Variants in NELL1 observed in about 807,000 individuals in gnomAD.
The protein encoded by NELL1 is neural EGFL like 1, also known as protein kinase C-binding protein NELL1.
A neutral mutation model predicts 107.4 loss-of-function variants in NELL1; 76 were observed. That is an observed-to-expected ratio of 0.71 (90% CI 0.59 to 0.86). The LOEUF is 0.86. Ranked by LOEUF, NELL1 falls within the 40% of genes least tolerant of loss-of-function variation. The pLI is 0.00. For synonymous variants in NELL1, 353 were observed against 341.2 expected, an observed-to-expected ratio of 1.03 and a Z score of -0.38; for missense variants, 1,024 against 1,005.5, an observed-to-expected ratio of 1.02 and a Z score of -0.25.
chr11:21,070,126 T>C (rs1157275116), intron 12 of NELL1, among the ~76,000 whole-genome samples: 7 of 151,278 alleles, frequency 4.6e-5, no homozygotes, highest in African/African-American at 1.7e-4. Flanking sequence ...ACTCCAAGGC[T>C]GTTTTTTTTT....
At chr11:21,060,620 A>T (rs1853716393) in intron 12 of NELL1, among the ~76,000 whole-genome samples, 1 of 152,188 alleles carries the variant, frequency 6.6e-6, no homozygotes, top group Non-Finnish European at 1.5e-5. Flanking sequence ...AAAGAAGAAA[A>T]TTCTTGAATT....
intron 12 of NELL1, among the ~76,000 whole-genome samples, chr11:20,983,395 AAC>A (rs1338360534): frequency 3.4e-5 from 5 of 145,896 alleles, no homozygotes; most frequent in Admixed American, 6.8e-5. Context: ...GTGGTTTACT[AAC>A]ACAGTTATAT....
chr11:21,097,087 C>A (rs950802332), intron 12 of NELL1, among the ~76,000 whole-genome samples: 1 of 152,094 alleles, frequency 6.6e-6, no homozygotes, highest in Non-Finnish European at 1.5e-5. Flanking sequence ...GACTAACCTC[C>A]AGGTAGAATC....
intron 4 of NELL1, 92 bp from the exon 5 acceptor site, chr11:20,885,352 C>A (rs1391460099): frequency 3.9e-6 from 3 of 773,148 alleles, no homozygotes; most frequent in Non-Finnish European, 4.7e-6. Context: ...CTTCATACAG[C>A]AGCTAATGGC....
At chr11:21,378,315 GATA>G (rs1233865937) in intron 15 of NELL1, among the ~76,000 whole-genome samples, 2 of 150,134 alleles carry the variant, frequency 1.3e-5, no homozygotes, top group African/African-American at 2.4e-5. Flanking sequence ...AGTGTTATTT[GATA>G]ATAATATGAA....
Position 21,474,941 on chromosome 11 carries a change from C to T in NELL1, c.1646-59433C>T, listed in dbSNP as rs1590960506. Among the ~76,000 whole-genome samples the T allele has an allele frequency of 3.9e-5, 6 of 152,010 alleles. No individual in the cohort carries two copies. In the South Asian group the frequency reaches 1.0e-3, roughly 26 times the overall value. On this transcript the variant is annotated intron_variant, in intron 15 of 19. Transcript: ENST00000357134. Reference sequence around the variant, plus strand: ...TTATTTGACCAAGCTTTTGTTGCATCGCTTATCTTAGTTCAATGCGTATCA... The same window carrying T: ...TTATTTGACCAAGCTTTTGTTGCATTGCTTATCTTAGTTCAATGCGTATCA...
chr11:20,771,643 C>G (rs76243803), intron 2 of NELL1, among the ~76,000 whole-genome samples: 235 of 152,278 alleles, frequency 1.5e-3, no homozygotes, highest in Non-Finnish European at 2.7e-3. Context: ...GAGCTGTTTG[C>G]GTATCATAGA....
intron 15 of NELL1, among the ~76,000 whole-genome samples, chr11:21,399,646 T>A (rs1417155827): frequency 1.3e-5 from 2 of 151,814 alleles, no homozygotes; most frequent in Non-Finnish European, 2.9e-5. Flanking sequence ...ATTTTACAGA[T>A]AAGGGAACTA....
At chr11:21,262,180 C>G (rs1260749746) in intron 14 of NELL1, among the ~76,000 whole-genome samples, 1 of 151,668 alleles carries the variant, frequency 6.6e-6, no homozygotes, top group East Asian at 1.9e-4. Flanking sequence ...TGTATAAATA[C>G]CCTCTAAGAC....
At chr11:20,808,796 T>C (rs1165363341) in intron 3 of NELL1, among the ~76,000 whole-genome samples, 1 of 152,202 alleles carries the variant, frequency 6.6e-6, no homozygotes, top group Non-Finnish European at 1.5e-5. Flanking sequence ...CAATGCAAAG[T>C]CCCACAATCA....
At chr11:21,424,681 A>G (rs1852776237) in intron 15 of NELL1, among the ~76,000 whole-genome samples, 1 of 152,158 alleles carries the variant, frequency 6.6e-6, no homozygotes, top group Non-Finnish European at 1.5e-5. Flanking sequence ...TATGCTATCT[A>G]ATTTGGTAAT....
At chr11:21,310,749 A>C (rs1282766424) in intron 14 of NELL1, among the ~76,000 whole-genome samples, 1 of 152,008 alleles carries the variant, frequency 6.6e-6, no homozygotes, top group Admixed American at 6.6e-5. Context: ...TATAGAATGG[A>C]ATCAGCTTGT....
intron 13 of NELL1, among the ~76,000 whole-genome samples, chr11:21,157,297 A>G (rs1019952638): frequency 6.6e-6 from 1 of 152,114 alleles, no homozygotes; most frequent in Non-Finnish European, 1.5e-5. Context: ...CAATCTGATT[A>G]TCTCTACAGT....
intron 14 of NELL1, among the ~76,000 whole-genome samples, chr11:21,319,957 G>A (rs1849972440): frequency 6.6e-6 from 1 of 151,250 alleles, no homozygotes; most frequent in Non-Finnish European, 1.5e-5. Context: ...TCAACAAGAA[G>A]CAGAGAGTAT....
chr11:21,284,085 T>TTCATAATG, intron 14 of NELL1: 1 of 374,594 alleles, frequency 2.7e-6, no homozygotes, highest in Non-Finnish European at 5.3e-6. Context: ...GAAGAGGAAA[T>TTCATAATG]TCATAATGCC....
At chr11:21,187,206 A>G (rs1349600770) in intron 13 of NELL1, among the ~76,000 whole-genome samples, 1 of 151,880 alleles carries the variant, frequency 6.6e-6, no homozygotes, top group Non-Finnish European at 1.5e-5. Flanking sequence ...GGAAGACTTG[A>G]CAGAAGCGAG....
chr11:21,066,667 A>G (rs757931607), intron 12 of NELL1, among the ~76,000 whole-genome samples: 46 of 152,162 alleles, frequency 3.0e-4, no homozygotes, highest in Middle Eastern at 3.2e-3. Context: ...AAAGAGTTCC[A>G]GGTCCAGTGT....
intron 14 of NELL1, among the ~76,000 whole-genome samples, chr11:21,332,554 A>G (rs1850295965): frequency 6.6e-6 from 1 of 151,976 alleles, no homozygotes; most frequent in Non-Finnish European, 1.5e-5. Context: ...TTATACAATT[A>G]TGATTGCTTA....
intron 12 of NELL1, among the ~76,000 whole-genome samples, chr11:21,021,007 C>G (rs1852685784): frequency 9.4e-6 from 1 of 105,822 alleles, no homozygotes; most frequent in Non-Finnish European, 1.8e-5. Flanking sequence ...CAGAAAGAAA[C>G]TTAGAACACA....
Sources: allele counts gnomAD v4.1 joint callset (sites outside exome capture counted in the v4.1 genomes callset), GRCh38; gene constraint gnomAD v4.1.1; transcripts MANE v1.5; gene names NCBI Gene and HGNC (gene_info 2026-07-23, HGNC 2026-07-21).